Variants in CEP128 observed in about 807,000 individuals in gnomAD.
The protein encoded by CEP128 is centrosomal protein 128.
In CEP128, 132 loss-of-function variants were observed where a neutral mutation model predicts 156.7. The ratio of observed to expected loss-of-function variants is 0.84; its 90% confidence interval spans 0.73 to 0.97. The LOEUF (loss-of-function observed/expected upper bound fraction) is 0.97, where lower values mean the gene tolerates loss of function less well. Ranked by LOEUF, CEP128 falls within the 50% of genes least tolerant of loss-of-function variation. The pLI, the probability that CEP128 is intolerant of heterozygous loss-of-function variation, is 0.00. For synonymous variants in CEP128, 469 were observed against 448.9 expected (o/e 1.04, Z -0.57); for missense variants, 1,252 against 1,281.9 (o/e 0.98, Z 0.36).
rs141826093 is a variant in CEP128, at chr14:80,681,674, G to A, written c.2806+61401C>T. On this transcript the variant is annotated intron_variant, in intron 19 of 24. Coordinates refer to ENST00000555265, the MANE Select transcript of CEP128 (RefSeq NM_152446.5). The stretch of plus-strand genomic sequence containing the variant: ...TGGCATTCATTCTCTTCTCCCTGCC[G>A]CCTTATGAAGAAGGTTTCCCCTTTG... Among the ~76,000 whole-genome samples, 439 of 152,246 alleles carry A rather than the reference G, an allele frequency of 2.9e-3. 2 individuals are homozygous for A. The highest frequency in any genetic ancestry group is 0.01 in the African/African-American group (416 of 41,540).
chr14:80,931,071 G>A (rs936271906), intron 2 of CEP128, among the ~76,000 whole-genome samples: 4 of 152,232 alleles, frequency 2.6e-5, no homozygotes, highest in Non-Finnish European at 4.4e-5. Flanking sequence ...CAATGTTGAC[G>A]ATAAGGCAAG....
chr14:80,667,814 C>T (rs1273797887), intron 19 of CEP128, among the ~76,000 whole-genome samples: 3 of 147,396 alleles, frequency 2.0e-5, no homozygotes, highest in Admixed American at 6.8e-5. Flanking sequence ...GCCTAGATTG[C>T]GCCACTGCAC....
chr14:80,647,116 C>CACACAT (rs1263327758), intron 19 of CEP128, among the ~76,000 whole-genome samples: 6 of 121,972 alleles, frequency 4.9e-5, no homozygotes, highest in African/African-American at 1.4e-4. Context: ...TACACACACA[C>CACACAT]ACACACACAT....
At chr14:80,665,999 G>T (rs1039688131) in intron 19 of CEP128, among the ~76,000 whole-genome samples, 1 of 152,160 alleles carries the variant, frequency 6.6e-6, no homozygotes, top group Admixed American at 6.5e-5. Context: ...AATTACCTTT[G>T]AGGTATGAGT....
chr14:80,931,974 T>C (rs965886508), intron 2 of CEP128, among the ~76,000 whole-genome samples: 3 of 152,168 alleles, frequency 2.0e-5, no homozygotes, highest in Admixed American at 2.0e-4. Context: ...GTAATCCCCA[T>C]GTGTCGTGGG....
At chr14:80,594,044 A>G (rs1025564720) in intron 19 of CEP128, among the ~76,000 whole-genome samples, 1 of 152,202 alleles carries the variant, frequency 6.6e-6, no homozygotes, top group African/African-American at 2.4e-5. Flanking sequence ...ACAAAGTGGG[A>G]GGCATCACGC....
At chr14:80,867,951 G>A (rs534953411) in intron 8 of CEP128, among the ~76,000 whole-genome samples, 7 of 152,052 alleles carry the variant, frequency 4.6e-5, no homozygotes, top group South Asian at 2.1e-4. Flanking sequence ...AGAAAATGCC[G>A]AAAGCAGCAT....
At chr14:80,831,673 T>C (rs1885809140) in intron 12 of CEP128, among the ~76,000 whole-genome samples, 1 of 152,144 alleles carries the variant, frequency 6.6e-6, no homozygotes, top group African/African-American at 2.4e-5. Context: ...AAATATTTTT[T>C]TTGCAACATA....
intron 1 of CEP128, among the ~76,000 whole-genome samples, chr14:80,941,038 G>A (rs1220856854): frequency 6.6e-6 from 1 of 152,192 alleles, no homozygotes; most frequent in Non-Finnish European, 1.5e-5. Flanking sequence ...GGGATTCAAT[G>A]TCAGGTATTT....
chr14:80,729,055 GGGGGTGT>G (rs1898133058), intron 19 of CEP128, among the ~76,000 whole-genome samples: 15 of 89,930 alleles, frequency 1.7e-4, no homozygotes, highest in Admixed American at 6.0e-4. Flanking sequence ...CTGGGCTGGT[GGGGGTGT>G]GTGTGTGTGT....
At chr14:80,688,574 T>C (rs1344233308) in intron 19 of CEP128, among the ~76,000 whole-genome samples, 1 of 152,216 alleles carries the variant, frequency 6.6e-6, no homozygotes, top group East Asian at 1.9e-4. Context: ...TTTTCATGTT[T>C]GTTGCATAAT....
At chr14:80,550,758 CAATT>C (rs996574225) in intron 21 of CEP128, among the ~76,000 whole-genome samples, 9 of 140,570 alleles carry the variant, frequency 6.4e-5, no homozygotes, top group African/African-American at 2.4e-4. Flanking sequence ...ATTAGCATTA[CAATT>C]AATATTAGGT....
intron 2 of CEP128, among the ~76,000 whole-genome samples, chr14:80,923,540 C>A (rs1182146916): frequency 2.0e-5 from 3 of 152,100 alleles, no homozygotes; most frequent in Non-Finnish European, 4.4e-5. Flanking sequence ...AAGATAAGCA[C>A]CCAGCATCAG....
chr14:80,768,853 G>T (rs1157137243), intron 16 of CEP128, among the ~76,000 whole-genome samples: 3 of 152,158 alleles, frequency 2.0e-5, no homozygotes, highest in Non-Finnish European at 2.9e-5. Context: ...AAAGTATTGA[G>T]CAATACAAAG....
chr14:80,812,257 G>T (rs2139951484), intron 13 of CEP128, among the ~76,000 whole-genome samples: 1 of 152,326 alleles, frequency 6.6e-6, no homozygotes, highest in East Asian at 1.9e-4. Flanking sequence ...TGGCTGTGTA[G>T]TATTCCATGG....
At chr14:80,799,793 C>T (rs1883728060) in intron 13 of CEP128, among the ~76,000 whole-genome samples, 1 of 152,172 alleles carries the variant, frequency 6.6e-6, no homozygotes, top group Non-Finnish European at 1.5e-5. Flanking sequence ...TGTGGTCAGA[C>T]TGGTTCTCTG....
At chr14:80,888,253 A>C (rs1888908108) in intron 8 of CEP128, among the ~76,000 whole-genome samples, 1 of 152,132 alleles carries the variant, frequency 6.6e-6, no homozygotes, top group South Asian at 2.1e-4. Flanking sequence ...AATAGAAAAA[A>C]GGGGGACTCC....
chr14:80,583,503 A>G (rs978426687), intron 19 of CEP128, among the ~76,000 whole-genome samples: 9 of 152,204 alleles, frequency 5.9e-5, no homozygotes, highest in African/African-American at 1.9e-4. Flanking sequence ...CATATGAGCT[A>G]AGCAACACCA....
chr14:80,698,665 T>G (rs1385740399), intron 19 of CEP128, among the ~76,000 whole-genome samples: 1 of 152,162 alleles, frequency 6.6e-6, no homozygotes, highest in Non-Finnish European at 1.5e-5. Flanking sequence ...AGCCTAGTTT[T>G]CCTAATGCAT....
Sources: allele counts gnomAD v4.1 joint callset (sites outside exome capture counted in the v4.1 genomes callset), GRCh38; gene constraint gnomAD v4.1.1; transcripts MANE v1.5; gene names NCBI Gene and HGNC (gene_info 2026-07-23, HGNC 2026-07-21).